MNS1: variants seen among roughly 807,000 people sequenced by gnomAD.
MNS1 encodes meiosis specific nuclear structural 1, also known as meiosis-specific nuclear structural protein 1.
MNS1 carries 63 observed loss-of-function variants against 72.0 expected under a neutral mutation model. That is an observed-to-expected ratio of 0.87 (90% CI 0.71 to 1.08). The LOEUF (loss-of-function observed/expected upper bound fraction) is 1.08. Ranked by LOEUF, MNS1 falls within the 50% of genes least tolerant of loss-of-function variation. The probability of loss-of-function intolerance (pLI) is 0.00; values close to 1 mark genes in which losing one functional copy is unlikely to be tolerated. For missense variants in MNS1, 604 were observed against 562.4 expected (o/e 1.07, Z -0.75); for synonymous variants, 188 against 172.1 (o/e 1.09, Z -0.72).
chr15:56,460,009 A>AAAAATATATATATAT lies in MNS1; in HGVS notation c.226-3489_226-3488insATATATATATATTTT. Among the ~76,000 whole-genome samples the AAAAATATATATATAT allele has an allele frequency of 1.5e-4, 4 of 26,406 alleles. 1 individual carries two copies. Among genetic ancestry groups the AAAAATATATATATAT allele is most frequent in the Non-Finnish European group, 2.1e-4 (3 of 14,316 alleles). 17.3% of individuals were successfully genotyped at this position (26,406 alleles called of 152,430 possible). On this transcript the variant is annotated intron_variant, in intron 2 of 9. Coordinates refer to ENST00000260453, the MANE Select transcript of MNS1 (RefSeq NM_018365.4). ...CTGTCTCAAAAAAAAAAAAAAAAAA[A>AAAAATATATATATAT]ATACATATATATATATATATATATA...
rs1567154798 is a variant in MNS1, at chr15:56,460,012, ACAT to A, written c.226-3494_226-3492del. On this transcript the variant is annotated intron_variant, in intron 2 of 9. Coordinates refer to ENST00000260453, the MANE Select transcript of MNS1 (RefSeq NM_018365.4). ...TCTCAAAAAAAAAAAAAAAAAAAAT[ACAT>A]ATATATATATATATATATATGTGAC... 5.0e-4 allele frequency among the ~76,000 whole-genome samples: 21 copies of A among 42,290 alleles called. 2 individuals carry two copies. The highest frequency in any genetic ancestry group is 9.4e-4 in the Non-Finnish European group (17 of 18,034). The allele number at this position is 42,290 out of a possible 152,430, so 27.7% of individuals were successfully genotyped here. A position where few individuals can be genotyped will look rare whatever the true frequency, so the allele number is the denominator to read the frequency against.
At chr15:56,445,159 C>G (rs960146964) in intron 4 of MNS1, among the ~76,000 whole-genome samples, 4 of 151,966 alleles carry the variant, frequency 2.6e-5, no homozygotes, top group Non-Finnish European at 4.4e-5. Context: ...AACTTTCTTT[C>G]CTGCCATTGG....
intron 9 of MNS1, among the ~76,000 whole-genome samples, chr15:56,430,713 A>G (rs1346232457): frequency 2.0e-5 from 3 of 151,766 alleles, no homozygotes; most frequent in Non-Finnish European, 4.4e-5. Context: ...TGTAAGTACT[A>G]CAGTTCTAGG....
chr15:56,458,702 C>G (rs950982146), intron 2 of MNS1, among the ~76,000 whole-genome samples: 11 of 152,102 alleles, frequency 7.2e-5, no homozygotes, highest in Non-Finnish European at 1.6e-4. Flanking sequence ...CGGAATTATA[C>G]AGAATGGAGC....
intron 3 of MNS1, among the ~76,000 whole-genome samples, chr15:56,453,443 C>G (rs554556409): frequency 1.3e-5 from 2 of 152,202 alleles, no homozygotes; most frequent in Non-Finnish European, 2.9e-5. Context: ...TATGAATTAA[C>G]AGCTTGATTA....
In MNS1 at chr15:56,434,346, A is replaced by G. The variant is rs371811534; in HGVS notation, c.1061T>C (p.Phe354Ser). 5.0e-6 allele frequency: 8 copies of G among 1,613,324 alleles called. No individual in the cohort carries two copies. The African/African-American group carries it at 6.7e-5, about 13-fold the overall frequency. Residue 354 changes from phenylalanine to serine, a missense_variant, in exon 8 of 10, where the codon TTT becomes TCT. Coordinates refer to ENST00000260453, the MANE Select transcript of MNS1 (RefSeq NM_018365.4). ...TTCCTTCAAGGCCATTTGTTCTTCA[A>G]AATCTTGCTTCATCTCTTTTTGCTT... is the stretch of plus-strand genomic sequence containing the variant. ...LRKQKEMKQD[F>S]EEQMALKELV...
Position 56,431,378 on chromosome 15 carries a change from G to A in MNS1, c.1390C>T (p.Pro464Ser), listed in dbSNP as rs766540387. Residue 464 changes from proline to serine, a missense_variant, in exon 9 of 10, where the codon CCT becomes TCT. By Grantham distance (74) the Pro-to-Ser change is moderately conservative (BLOSUM62 -1). Coordinates refer to ENST00000260453, the MANE Select transcript of MNS1 (RefSeq NM_018365.4). ...TTGAGATAAATCTCACTTACTTTAG[G>A]GAGATAGCCTAGTAAGTTTGTAGCA... is the stretch of plus-strand genomic sequence containing the variant. Reference protein sequence around the residue: ...EHATNLLGYLPKGVFKKEDDI... With the variant: ...EHATNLLGYLSKGVFKKEDDI... 1.2e-6 allele frequency: 2 copies of A among 1,610,182 alleles called. No individual in the cohort carries two copies. The highest frequency in any genetic ancestry group is 1.3e-5 in the African/African-American group (1 of 74,666).
At chr15:56,459,563 T>C (rs751724028) in intron 2 of MNS1, among the ~76,000 whole-genome samples, 2 of 152,166 alleles carry the variant, frequency 1.3e-5, no homozygotes, top group Non-Finnish European at 2.9e-5. Context: ...AAGTTTGTGG[T>C]AATTCGTTAC....
intron 3 of MNS1, among the ~76,000 whole-genome samples, chr15:56,452,672 C>A (rs934288678): frequency 6.6e-6 from 1 of 151,936 alleles, no homozygotes; most frequent in Non-Finnish European, 1.5e-5. Flanking sequence ...GCGTGTGCCA[C>A]CAGGCCCGGC....
In MNS1 at chr15:56,431,418, T is replaced by A; in HGVS notation, c.1350A>T (p.Lys450Asn). 6.2e-7 allele frequency: 1 copy of A among 1,613,486 alleles called. No individual in the cohort carries two copies. Among genetic ancestry groups the A allele is most frequent in the Non-Finnish European group, 8.5e-7 (1 of 1,179,782 alleles). The change falls in exon 9 of 10, where the codon AAA (lysine) becomes AAT (asparagine). Residue 450 changes from lysine (K) to asparagine (N), a missense_variant. Physicochemically the swap from Lys to Asn is moderately conservative, Grantham distance 94 (BLOSUM62 0). Transcript: ENST00000260453. Reference sequence around the variant, plus strand: ...AGTTTGTAGCATGCTCTTTAAGAAGTTTTAGCCTTTCTTCTTCAATAATTG... The same window carrying A: ...AGTTTGTAGCATGCTCTTTAAGAAGATTTAGCCTTTCTTCTTCAATAATTG... ...INAIIEEERL[K>N]LLKEHATNLL...
chr15:56,461,972 G>GTTTT (rs2051024692), intron 2 of MNS1, among the ~76,000 whole-genome samples: 1 of 9,686 alleles, frequency 1.0e-4, no homozygotes, highest in Non-Finnish European at 2.4e-4. Context: ...TTTTTTTGTT[G>GTTTT]TTGTTTTTTT....
chr15:56,430,505 C>A (rs2050558171), intron 9 of MNS1, among the ~76,000 whole-genome samples: 1 of 152,170 alleles, frequency 6.6e-6, no homozygotes. Flanking sequence ...CATGCCCAGC[C>A]AGTTACTATT....
intron 7 of MNS1, among the ~76,000 whole-genome samples, chr15:56,440,615 A>G (rs1596259506): frequency 1.3e-5 from 2 of 152,212 alleles, no homozygotes; most frequent in Non-Finnish European, 2.9e-5. Context: ...ATACATGCCA[A>G]TGGAATGTTA....
At chr15:56,438,666 C>G (rs2050769037) in intron 7 of MNS1, among the ~76,000 whole-genome samples, 1 of 152,122 alleles carries the variant, frequency 6.6e-6, no homozygotes. Flanking sequence ...AACTAAAGAG[C>G]TTCCGCACAG....
intron 2 of MNS1, 109 bp from the exon 3 acceptor site, chr15:56,456,630 A>T: frequency 9.7e-7 from 1 of 1,030,588 alleles, no homozygotes; most frequent in East Asian, 2.6e-5. Context: ...CCAACAATTG[A>T]TGATGTTTTA....
intron 3 of MNS1, among the ~76,000 whole-genome samples, chr15:56,455,044 T>C (rs1348733650): frequency 2.6e-5 from 4 of 152,120 alleles, no homozygotes; most frequent in African/African-American, 9.7e-5. Context: ...CAGAAACCTC[T>C]AGAGGAAATG....
At position 56,465,040 on chromosome 15, in the gene MNS1, C is replaced by CCAG; in HGVS notation, c.-71_-69dup. 6.3e-7 allele frequency: 1 copy of CCAG among 1,591,038 alleles called. No individual in the cohort carries two copies. The highest frequency in any genetic ancestry group is 8.5e-7 in the Non-Finnish European group (1 of 1,170,696). ...CCACCTCCCGCCGCAAACGCAGCAG[C>CCAG]CAGCAGCCCCAAGGAGCGCACCTGG... On this transcript the variant is annotated 5_prime_UTR_variant, in exon 1 of 10. Transcript: ENST00000260453.
At chr15:56,439,530 C>G (rs1288057472) in intron 7 of MNS1, among the ~76,000 whole-genome samples, 1 of 151,870 alleles carries the variant, frequency 6.6e-6, no homozygotes, top group Non-Finnish European at 1.5e-5. Flanking sequence ...CATAGACCAA[C>G]AGAACAAAAT....
chr15:56,435,598 C>T (rs2050709440), intron 7 of MNS1, among the ~76,000 whole-genome samples: 1 of 151,934 alleles, frequency 6.6e-6, no homozygotes, highest in African/African-American at 2.4e-5. Context: ...CCTTGAGAAA[C>T]ACAAGCTACC....
Sources: gnomAD v4.1 joint callset for allele counts (sites outside exome capture counted in the v4.1 genomes callset) on GRCh38, gnomAD v4.1.1 for gene constraint, MANE v1.5 for transcripts, NCBI Gene and HGNC (gene_info 2026-07-23, HGNC 2026-07-21) for gene names.